The following QKI variants were observed in gnomAD, a reference collection of about 807,000 sequenced individuals.
The protein encoded by QKI is QKI, KH domain containing RNA binding.
A neutral mutation model predicts 39.0 loss-of-function variants in QKI; 10 were observed. The observed-to-expected ratio is 0.26, with a 90% CI of 0.16 to 0.43. The LOEUF (loss-of-function observed/expected upper bound fraction) is 0.43. QKI is among the 20% of genes least tolerant of loss of function. QKI has a pLI of 1.00. For missense variants in QKI, 218 were observed against 428.0 expected, an observed-to-expected ratio of 0.51 and a Z score of 4.33; for synonymous variants, 204 against 155.4, an observed-to-expected ratio of 1.31 and a Z score of -2.33.
chr6:163,524,314 T>A (rs188701207), intron 3 of QKI, among the ~76,000 whole-genome samples: 1,593 of 149,940 alleles, frequency 0.011, 31 homozygotes, highest in African/African-American at 0.036. Context: ...ATATATTTTA[T>A]TAACTAAGTT....
At chr6:163,461,362 AGGCCTCTCT>A (rs1791336420) in intron 2 of QKI, among the ~76,000 whole-genome samples, 2 of 152,216 alleles carry the variant, frequency 1.3e-5, no homozygotes, top group South Asian at 4.1e-4. Context: ...TTAAATAATA[AGGCCTCTCT>A]GAGTTTTAAA....
chr6:163,502,655 T>G (rs1270958007), intron 3 of QKI, among the ~76,000 whole-genome samples: 1 of 152,242 alleles, frequency 6.6e-6, no homozygotes, highest in Non-Finnish European at 1.5e-5. Context: ...ATTATCATTT[T>G]GAACTTATTT....
At chr6:163,561,605 A>G (rs909316413) in intron 4 of QKI, among the ~76,000 whole-genome samples, 1 of 152,200 alleles carries the variant, frequency 6.6e-6, no homozygotes, top group African/African-American at 2.4e-5. Flanking sequence ...AAGACCCTGT[A>G]TCTAAAAACA....
intron 1 of QKI, among the ~76,000 whole-genome samples, chr6:163,417,883 ATTCC>A (rs2128206230): frequency 6.6e-6 from 1 of 152,302 alleles, no homozygotes; most frequent in South Asian, 2.1e-4. Context: ...AAAAAGGGCT[ATTCC>A]TTAGTGTGGA....
At chr6:163,562,600 C>CATA (rs1255937255) in intron 5 of QKI, among the ~76,000 whole-genome samples, 1 of 151,816 alleles carries the variant, frequency 6.6e-6, no homozygotes, top group African/African-American at 2.4e-5. Flanking sequence ...TGTTTTTATG[C>CATA]GTATCTATGC....
Position 163,572,569 on chromosome 6 carries a change from T to C in QKI, c.*1859T>C, listed in dbSNP as rs969320430. 1.3e-5 allele frequency: 2 copies of C among 151,516 alleles called. No homozygotes were observed. The highest frequency in any genetic ancestry group is 2.4e-5 in the African/African-American group (1 of 41,036). The allele number at this position is 151,516 out of a possible 1,614,324, so 9.4% of individuals were successfully genotyped here. ...CTCAAGAAGTTGAAACAGTTAGTTA[T>C]GTAGTTGAAGCAATTTGTGTGCAAA... is the stretch of plus-strand genomic sequence containing the variant. On this transcript the variant is annotated 3_prime_UTR_variant, in exon 8 of 8. Transcript: ENST00000361752.
chr6:163,415,355 C>T lies in QKI; in HGVS notation c.142+20C>T, dbSNP rs1562406663. The T allele has an allele frequency of 1.2e-5, 18 of 1,541,284 alleles. No homozygotes were observed. Among genetic ancestry groups the T allele is most frequent in the Non-Finnish European group, 1.6e-5 (18 of 1,134,552 alleles). ...ACGAAGGTGAGCGTCTCCAGGGCCC[C>T]GGCCCCGGCCCGACCCCCGCCGGGG... On this transcript the variant is annotated intron_variant, in intron 1 of 7. Coordinates refer to ENST00000361752, the MANE Select transcript of QKI (RefSeq NM_006775.3).
intron 1 of QKI, among the ~76,000 whole-genome samples, chr6:163,430,152 T>TTATAA (rs1647664638): frequency 6.6e-6 from 1 of 152,154 alleles, no homozygotes; most frequent in South Asian, 2.1e-4. Flanking sequence ...TAATTCTCTA[T>TTATAA]TAGAGAGAGC....
intron 1 of QKI, among the ~76,000 whole-genome samples, chr6:163,425,550 A>G (rs925647853): frequency 6.6e-6 from 1 of 152,238 alleles, no homozygotes; most frequent in Non-Finnish European, 1.5e-5. Context: ...GAGTCAAACT[A>G]TTATATACGT....
intron 2 of QKI, 83 bp downstream of exon 2, chr6:163,455,504 G>A: frequency 4.5e-6 from 6 of 1,334,290 alleles, no homozygotes; most frequent in South Asian, 1.4e-5. Context: ...AAATACTTAA[G>A]CATTATTAGC....
intron 1 of QKI, among the ~76,000 whole-genome samples, chr6:163,417,244 C>G (rs1457647261): frequency 6.6e-6 from 1 of 151,994 alleles, no homozygotes; most frequent in Non-Finnish European, 1.5e-5. Context: ...GTAACAATTT[C>G]TGGTGAAAGT....
At chr6:163,463,957 TC>T (rs1274729947) in intron 2 of QKI, among the ~76,000 whole-genome samples, 4 of 152,306 alleles carry the variant, frequency 2.6e-5, no homozygotes, top group African/African-American at 7.2e-5. Flanking sequence ...TCTTATTTCT[TC>T]CTTCCCACCA....
intron 3 of QKI, among the ~76,000 whole-genome samples, chr6:163,506,274 C>A (rs1779087922): frequency 1.3e-5 from 2 of 152,004 alleles, no homozygotes; most frequent in Admixed American, 6.6e-5. Flanking sequence ...TGAGATTTTC[C>A]CAATTGAATT....
chr6:163,519,416 A>G (rs1462648138), intron 3 of QKI, among the ~76,000 whole-genome samples: 2 of 152,012 alleles, frequency 1.3e-5, no homozygotes, highest in African/African-American at 4.8e-5. Context: ...TGGGCCTTAA[A>G]AAGAGTGGGT....
At chr6:163,489,269 T>G (rs1777896185) in intron 3 of QKI, among the ~76,000 whole-genome samples, 1 of 152,014 alleles carries the variant, frequency 6.6e-6, no homozygotes, top group African/African-American at 2.4e-5. Flanking sequence ...GTGTGTGGTT[T>G]TATTAGTTAG....
In QKI at chr6:163,574,546, A is replaced by C. The variant is rs1783875896; in HGVS notation, c.*3836A>C. 6 of 152,308 alleles carry C rather than the reference A, an allele frequency of 3.9e-5. 1 individual carries two copies. In the South Asian group the frequency reaches 1.2e-3, roughly 32 times the overall value. 9.4% of individuals were successfully genotyped at this position (152,308 alleles called of 1,614,324 possible). A position where few individuals can be genotyped will look rare whatever the true frequency, so the allele number is the denominator to read the frequency against. ...ACTTTACAAATACAGTCAGACTAAAACATTAAACAAGAAGTTTAAGGGGGA... is the reference window on the plus strand; with the variant it reads ...ACTTTACAAATACAGTCAGACTAAACCATTAAACAAGAAGTTTAAGGGGGA... On this transcript the variant is annotated 3_prime_UTR_variant, in exon 8 of 8. Transcript: ENST00000361752.
intron 3 of QKI, among the ~76,000 whole-genome samples, chr6:163,519,543 C>G (rs1780025505): frequency 6.6e-6 from 1 of 151,630 alleles, no homozygotes; most frequent in Admixed American, 6.6e-5. Flanking sequence ...GTTACTTTTG[C>G]TGTTGAAATT....
intron 4 of QKI, among the ~76,000 whole-genome samples, chr6:163,553,040 C>T (rs1215481991): frequency 6.7e-6 from 1 of 148,386 alleles, no homozygotes; most frequent in African/African-American, 2.5e-5. Context: ...TCATAATTTT[C>T]AGGTTCTTTT....
At chr6:163,418,029 C>T (rs992316479) in intron 1 of QKI, among the ~76,000 whole-genome samples, 2 of 150,922 alleles carry the variant, frequency 1.3e-5, no homozygotes, top group African/African-American at 4.9e-5. Flanking sequence ...TTGTGCTTTA[C>T]CCCTTTGTGG....
Sources: gnomAD v4.1 joint callset for allele counts (sites outside exome capture counted in the v4.1 genomes callset) on GRCh38, gnomAD v4.1.1 for gene constraint, MANE v1.5 for transcripts, NCBI Gene and HGNC (gene_info 2026-07-23, HGNC 2026-07-21) for gene names.